Variants in PLEKHG6 observed in about 807,000 individuals in gnomAD.
PLEKHG6 encodes the protein pleckstrin homology domain-containing family G member 6.
PLEKHG6 carries 91 observed loss-of-function variants against 97.5 expected under a neutral mutation model. That is an observed-to-expected ratio of 0.93 (90% confidence interval 0.79 to 1.11). PLEKHG6 has a LOEUF of 1.11. PLEKHG6 is among the 50% of genes most tolerant of loss of function. PLEKHG6 has a pLI of 0.00. For missense variants in PLEKHG6, 1,044 were observed against 1,031.0 expected, an observed-to-expected ratio of 1.01 and a Z score of -0.17; for synonymous variants, 466 against 425.5, an observed-to-expected ratio of 1.10 and a Z score of -1.17.
At chr12:6,319,156 C>T (rs570651796) in intron 13 of PLEKHG6, 48 bp downstream of exon 13, 1 of 1,284,774 alleles carries the variant, frequency 7.8e-7, no homozygotes, top group Non-Finnish European at 1.1e-6. Flanking sequence ...GTCCCCGGAG[C>T]TCAGAAATGG....
Position 6,313,766 on chromosome 12 carries a change from T to C in PLEKHG6, c.276T>C (p.Leu92=). 6.3e-7 allele frequency: 1 copy of C among 1,592,954 alleles called. No homozygotes were observed. Among genetic ancestry groups the C allele is most frequent in the Non-Finnish European group, 8.5e-7 (1 of 1,169,616 alleles). Residue 92 remains leucine (L), a synonymous_variant, in exon 3 of 16, where the codon CTT becomes CTC. Coordinates refer to ENST00000684764, the MANE Select transcript of PLEKHG6 (RefSeq NM_001384598.1). The part of the protein sequence containing the change: ...RHGGHVGAGL[L]HSPKLKELTK... The stretch of plus-strand genomic sequence containing the variant: ...GGGGCCATGTGGGGGCTGGCCTGCT[T>C]CACTCCCCCAAACTCAAGGTAAGGG...
At chr12:6,317,745 G>T in intron 9 of PLEKHG6, 49 bp downstream of exon 9, 1 of 1,601,832 alleles carries the variant, frequency 6.2e-7, no homozygotes, top group Middle Eastern at 1.8e-4. Flanking sequence ...GGACTGGGAG[G>T]GGGGTCTCTT....
In PLEKHG6 at chr12:6,327,683, T is replaced by G. The variant is rs776917435; in HGVS notation, c.2100T>G (p.His700Gln). The change falls in exon 15 of 16, where the codon CAT (histidine) becomes CAG (glutamine). Residue 700 changes from histidine to glutamine, a missense_variant. By Grantham distance (24) the His-to-Gln change is conservative. Coordinates refer to ENST00000684764, the MANE Select transcript of PLEKHG6 (RefSeq NM_001384598.1). ...GCCAGCTTCCCTCCTCCCCAACCCA[T>G]GCTGACTCTGCCGGGGAAAGCCCCT... is the stretch of plus-strand genomic sequence containing the variant. Reference protein sequence around the residue: ...LRGQLPSSPTHADSAGESPWE... With the variant: ...LRGQLPSSPTQADSAGESPWE... The G allele has an allele frequency of 3.8e-6, 6 of 1,562,518 alleles. No individual in the cohort carries two copies. Among genetic ancestry groups the G allele is most frequent in the Non-Finnish European group, 5.2e-6 (6 of 1,151,872 alleles).
chr12:6,315,724 G>A lies in PLEKHG6; in HGVS notation c.555+75G>A. On this transcript the variant is annotated intron_variant, in intron 5 of 15. Coordinates refer to ENST00000684764, the MANE Select transcript of PLEKHG6 (RefSeq NM_001384598.1). This position sits in a 1 kb window ranked among gnomAD's most constrained non-coding sequence, Gnocchi z 4.5. ...CCCATCCTCCCAGACTGGAAGGCAG[G>A]TCACTGGGGGAGGGAGGGGCAGGAT... 8.1e-7 allele frequency: 1 copy of A among 1,232,762 alleles called. No homozygotes were observed. The highest frequency in any genetic ancestry group is 1.1e-6 in the Non-Finnish European group (1 of 871,980). The allele number at this position is 1,232,762 out of a possible 1,614,324, so 76.4% of individuals were successfully genotyped here.
In PLEKHG6 at chr12:6,315,660, C is replaced by G. The variant is rs764521250; in HGVS notation, c.555+11C>G. 62 of 1,542,872 alleles carry G rather than the reference C, an allele frequency of 4.0e-5. No individual in the cohort carries two copies. The highest frequency in any genetic ancestry group is 3.4e-4 in the Middle Eastern group (2 of 5,832). ...AAGATCATGACTGATGTGAGCCCCC[C>G]TCAGCCCCAGCCCCGGCCCCATCTT... On this transcript the variant is annotated intron_variant, in intron 5 of 15. Transcript: ENST00000684764. This position sits in a 1 kb window ranked among gnomAD's most constrained non-coding sequence, Gnocchi z 4.5.
At chr12:6,322,717 C>CA (rs1043226107) in intron 13 of PLEKHG6, among the ~76,000 whole-genome samples, 37 of 151,760 alleles carry the variant, frequency 2.4e-4, no homozygotes, top group African/African-American at 8.5e-4. Context: ...CCCATCTTTA[C>CA]AAAAAATACA....
Position 6,317,409 on chromosome 12 carries a change from T to A in PLEKHG6, c.863T>A (p.Val288Glu). 1 of 1,613,042 alleles carries A rather than the reference T, an allele frequency of 6.2e-7. No homozygotes were observed. The highest frequency in any genetic ancestry group is 1.3e-5 in the African/African-American group (1 of 75,022). ...QETNPLFHAF[V>E]QWCEKHKRSG... is the part of the protein sequence containing the mutation. ...ACTAACCCTCTCTTCCATGCCTTCG[T>A]GCAGGTGGGAGAAGGGGTGCTGGGG... The change falls in exon 8 of 16, where the codon GTG (valine) becomes GAG (glutamate). Residue 288 changes from valine (V) to glutamate (E), a missense_variant. Val to Glu is a moderately radical substitution (Grantham distance 121). Transcript: ENST00000684764.
In PLEKHG6 at chr12:6,327,417, G is replaced by A. The variant is rs377069397; in HGVS notation, c.1834G>A (p.Ala612Thr). The change falls in exon 15 of 16, where the codon GCC (alanine) becomes ACC (threonine). Residue 612 changes from alanine to threonine, a missense_variant. Transcript: ENST00000684764. ...RSPLSRLRQR[A>T]LRRDPRLTFS... is the part of the protein sequence containing the mutation. The stretch of plus-strand genomic sequence containing the variant: ...CCCACTGAGCCGTCTACGCCAAAGA[G>A]CCCTTCGGCGGGACCCTCGCCTCAC... 148 of 1,614,098 alleles carry A rather than the reference G, an allele frequency of 9.2e-5. 3 individuals are homozygous for A. Among genetic ancestry groups the A allele is most frequent in the East Asian group, 8.2e-4 (37 of 44,870 alleles).
intron 3 of PLEKHG6, 98 bp from the exon 4 acceptor site, chr12:6,314,907 C>T: frequency 8.8e-7 from 1 of 1,136,266 alleles, no homozygotes; most frequent in South Asian, 1.4e-5. Flanking sequence ...CACACGCACA[C>T]ACTTTAACAC....
intron 11 of PLEKHG6, 139 bp from the exon 12 acceptor site, chr12:6,318,606 G>C: frequency 8.6e-7 from 1 of 1,156,294 alleles, no homozygotes; most frequent in Non-Finnish European, 1.2e-6. Context: ...TGACCAAAGC[G>C]ACGCCCCTGG....
Position 6,315,209 on chromosome 12 carries a change from G to C in PLEKHG6, c.459+40G>C. On this transcript the variant is annotated intron_variant, in intron 4 of 15. Transcript: ENST00000684764. The surrounding 1 kb of genome is among the most constrained non-coding windows in gnomAD (Gnocchi z 4.5). ...CACAAGGTGAGTCTGTCCCCACGGC[G>C]TGAATGCACACACAGATTCTGCTCT... The C allele has an allele frequency of 6.4e-7, 1 of 1,574,170 alleles. No homozygotes were observed. Among genetic ancestry groups the C allele is most frequent in the Non-Finnish European group, 8.6e-7 (1 of 1,156,820 alleles).
chr12:6,313,713 C>T lies in PLEKHG6; in HGVS notation c.223C>T (p.Arg75Ter), dbSNP rs771345415. The change falls in exon 3 of 16, where the codon CGA (arginine) becomes TGA (stop). Residue 75 changes from arginine to a stop codon, truncating the protein, a stop_gained. Coordinates refer to ENST00000684764, the MANE Select transcript of PLEKHG6 (RefSeq NM_001384598.1). LOFTEE classifies it high-confidence loss of function. ...QARGLSPMRL[R>*]DPEPEKRHGG... is the part of the protein sequence containing the mutation. ...CCGAGGCCTGTCACCCATGAGACTG[C>T]GAGATCCAGAGCCCGAGAAGAGGCA... The T allele has an allele frequency of 5.8e-5, 93 of 1,612,346 alleles. No individual in the cohort carries two copies. Among genetic ancestry groups the T allele is most frequent in the South Asian group, 2.1e-4 (19 of 90,946 alleles).
chr12:6,314,994 G>A lies in PLEKHG6; in HGVS notation c.295-11G>A, dbSNP rs544334602. The stretch of plus-strand genomic sequence containing the variant: ...TGTGACCAGAGCTGATGCCCTTCTC[G>A]GCTCCCCCAGGAACTCACCAAGGCC... On this transcript the variant is annotated splice_polypyrimidine_tract_variant and intron_variant, in intron 3 of 15. Coordinates refer to ENST00000684764, the MANE Select transcript of PLEKHG6 (RefSeq NM_001384598.1). The A allele has an allele frequency of 3.1e-6, 5 of 1,611,252 alleles. No homozygotes were observed. The highest frequency in any genetic ancestry group is 4.5e-5 in the East Asian group (2 of 44,832).
Position 6,327,720 on chromosome 12 carries a change from GGGGAGGA to G in PLEKHG6, c.2140_2146del (p.Glu714LysfsTer8). The G allele has an allele frequency of 6.4e-7, 1 of 1,557,572 alleles. No homozygotes were observed. The highest frequency in any genetic ancestry group is 1.2e-5 in the South Asian group (1 of 82,194). On this transcript the variant is annotated frameshift_variant, in exon 15 of 16. Transcript: ENST00000684764. LOFTEE classifies it high-confidence loss of function. ...CGGGGAAAGCCCCTGGGAGTCCTCA[GGGGAGGA>G]GGAAGAAGAGGGGCCTCTGTTCCTG... is the stretch of plus-strand genomic sequence containing the variant.
rs1316523799 is a variant in PLEKHG6 at position 6,328,202 on chromosome 12, T to A, written c.*57T>A. On this transcript the variant is annotated 3_prime_UTR_variant, in exon 16 of 16. Coordinates refer to ENST00000684764, the MANE Select transcript of PLEKHG6 (RefSeq NM_001384598.1). ...CCCAGAGGAGATCTCTCCCCAGTAG[T>A]GCTGGTCACCCTCCGGCATCTGTGA... 4 of 1,562,974 alleles carry A rather than the reference T, an allele frequency of 2.6e-6. No individual in the cohort carries two copies. In the Admixed American group the frequency reaches 6.7e-5, roughly 26 times the overall value.
intron 13 of PLEKHG6, among the ~76,000 whole-genome samples, chr12:6,323,346 T>A (rs1254079415): frequency 2.0e-5 from 3 of 152,200 alleles, no homozygotes; most frequent in Non-Finnish European, 4.4e-5. Flanking sequence ...TATTAGGGAA[T>A]CCTCTCTAGA....
intron 10 of PLEKHG6, 140 bp downstream of exon 10, chr12:6,318,134 G>T (rs1947554676): frequency 2.2e-6 from 3 of 1,366,250 alleles, no homozygotes; most frequent in African/African-American, 1.5e-5. Context: ...GACAGTCCAA[G>T]GGGTACAGGT....
chr12:6,328,483 T>TA lies in PLEKHG6; in HGVS notation c.*339dup. On this transcript the variant is annotated 3_prime_UTR_variant, in exon 16 of 16. Transcript: ENST00000684764. Reference sequence around the variant, plus strand: ...GGGCAATATAGGGAAACCCTGTCTTTACAAAAAAAAATTTTAAAAATTACC... The same window carrying TA: ...GGGCAATATAGGGAAACCCTGTCTTTAACAAAAAAAAATTTTAAAAATTACC... The TA allele has an allele frequency of 4.3e-6, 1 of 234,468 alleles. No individual in the cohort carries two copies. The highest frequency in any genetic ancestry group is 8.1e-6 in the Non-Finnish European group (1 of 122,834). 14.5% of individuals were successfully genotyped at this position (234,468 alleles called of 1,614,324 possible). A position where few individuals can be genotyped will look rare whatever the true frequency, so the allele number is the denominator to read the frequency against.
chr12:6,312,601 CCG>C (rs1947312593), intron 2 of PLEKHG6: 1 of 1,304,936 alleles, frequency 7.7e-7, no homozygotes. Flanking sequence ...GCCAGGCCCT[CCG>C]AGGAGTGCTG....
Sources: gnomAD v4.1 joint callset for allele counts (sites outside exome capture counted in the v4.1 genomes callset) on GRCh38, gnomAD v4.1.1 for gene constraint, Gnocchi (gnomAD v3.1) non-coding constraint, MANE v1.5 for transcripts, NCBI Gene and HGNC (gene_info 2026-07-23, HGNC 2026-07-21) for gene names.